RUNX3: variants seen among roughly 807,000 people sequenced by gnomAD.
RUNX3 encodes the protein runt-related transcription factor 3.
RUNX3 carries 10 observed loss-of-function variants against 27.7 expected under a neutral mutation model. The ratio of observed to expected loss-of-function variants is 0.36; its 90% CI spans 0.22 to 0.61. The LOEUF (loss-of-function observed/expected upper bound fraction) is 0.61, where lower values mean the gene tolerates loss of function less well. Among genes scored for constraint, RUNX3 ranks in the 20% least tolerant of loss-of-function variants. The pLI, the probability that RUNX3 is intolerant of heterozygous loss-of-function variation, is 0.72. For missense variants in RUNX3, 469 were observed against 629.5 expected (o/e 0.75, Z 2.73); for synonymous variants, 270 against 269.2 (o/e 1.00, Z -0.03).
At position 24,927,689 on chromosome 1, in the gene RUNX3, A is replaced by G. The variant is rs1641125592; in HGVS notation, c.324T>C (p.Thr108=). Residue 108 remains threonine (T), a synonymous_variant, in exon 2 of 5, where the codon ACT becomes ACC. Coordinates refer to ENST00000308873, the MANE Select transcript of RUNX3 (RefSeq NM_004350.3). The surrounding 1 kb of genome is among the most constrained non-coding windows in gnomAD (Gnocchi z 5.0). ...AGTTCTCGTCATTGCCTGCCATCAC[A>G]GTCACCACCGTACCATCCGGCACGT... is the stretch of plus-strand genomic sequence containing the variant. ...LGDVPDGTVV[T]VMAGNDENYS... The G allele has an allele frequency of 1.2e-6, 2 of 1,614,030 alleles. No homozygotes were observed. Among genetic ancestry groups the G allele is most frequent in the Non-Finnish European group, 1.7e-6 (2 of 1,180,014 alleles).
At chr1:24,951,098 C>T (rs967486499) in intron 2 of RUNX3, among the ~76,000 whole-genome samples, 8 of 148,276 alleles carry the variant, frequency 5.4e-5, no homozygotes, top group Non-Finnish European at 7.4e-5. Flanking sequence ...CCCAGCTACT[C>T]GGAAGGCTGA....
chr1:24,911,602 A>C (rs951258707), intron 3 of RUNX3, among the ~76,000 whole-genome samples: 2 of 152,248 alleles, frequency 1.3e-5, no homozygotes, highest in African/African-American at 4.8e-5. Flanking sequence ...GCCCAAAGGA[A>C]GCAGAACTAT....
At chr1:24,935,987 C>T (rs902735065) in intron 2 of RUNX3, among the ~76,000 whole-genome samples, 2 of 152,198 alleles carry the variant, frequency 1.3e-5, no homozygotes, top group Non-Finnish European at 2.9e-5. Context: ...GCACTCTGAC[C>T]GCTGCTCTCA....
At chr1:24,905,303 T>C (rs183174077) in intron 4 of RUNX3, among the ~76,000 whole-genome samples, 1 of 152,300 alleles carries the variant, frequency 6.6e-6, no homozygotes, top group African/African-American at 2.4e-5. Context: ...TGAGTTTAAG[T>C]GACTTGTCTA....
intron 2 of RUNX3, among the ~76,000 whole-genome samples, chr1:24,939,805 G>A (rs1219775081): frequency 6.6e-6 from 1 of 152,244 alleles, no homozygotes; most frequent in Non-Finnish European, 1.5e-5. Flanking sequence ...AGTGGGAGGG[G>A]AGAAGTGGGA....
At chr1:24,907,732 A>G (rs1640696852) in intron 3 of RUNX3, among the ~76,000 whole-genome samples, 1 of 151,356 alleles carries the variant, frequency 6.6e-6, no homozygotes, top group Admixed American at 6.6e-5. Context: ...CTAAACCTCT[A>G]CAACACACTG....
rs375570868 is a variant in RUNX3, at chr1:24,906,586, G to A, written c.703+673C>T. On this transcript the variant is annotated intron_variant, in intron 4 of 4. Transcript: ENST00000308873. ...CGCCAGGCACCTCGATACTCCAGAA[G>A]ACCTGCCTGAGGCCTGGCTGCAACT... Among the ~76,000 whole-genome samples, 26 of 152,138 alleles carry A rather than the reference G, an allele frequency of 1.7e-4. No individual in the cohort carries two copies. In the East Asian group the frequency reaches 2.5e-3, roughly 15 times the overall value.
intron 2 of RUNX3, among the ~76,000 whole-genome samples, chr1:24,957,617 A>G (rs1297850981): frequency 6.6e-6 from 1 of 152,214 alleles, no homozygotes; most frequent in African/African-American, 2.4e-5. Flanking sequence ...CACCTTCCAC[A>G]TCCTGCTTAG....
intron 1 of RUNX3, chr1:24,929,199 T>C (rs1275497151): frequency 2.0e-6 from 1 of 495,124 alleles, no homozygotes; most frequent in African/African-American, 1.9e-5. Flanking sequence ...GGGTAGGCCC[T>C]TTCACCGTTC....
chr1:24,949,197 G>A (rs1641693758), intron 2 of RUNX3, among the ~76,000 whole-genome samples: 1 of 152,006 alleles, frequency 6.6e-6, no homozygotes, highest in Non-Finnish European at 1.5e-5. Flanking sequence ...TTCTCTAACA[G>A]CCTGAGAGGG....
chr1:24,952,070 T>G (rs756712870), intron 2 of RUNX3, among the ~76,000 whole-genome samples: 10 of 152,236 alleles, frequency 6.6e-5, no homozygotes, highest in Non-Finnish European at 1.2e-4. Flanking sequence ...AATGGAACTA[T>G]TTAAAAGTTG....
chr1:24,936,997 G>A (rs935366053), intron 2 of RUNX3, among the ~76,000 whole-genome samples: 7 of 152,206 alleles, frequency 4.6e-5, no homozygotes, highest in Admixed American at 1.3e-4. Flanking sequence ...TGTGCTGTAC[G>A]CATGGCATGA....
At chr1:24,959,954 C>T (rs1039881468) in intron 2 of RUNX3, among the ~76,000 whole-genome samples, 11 of 152,354 alleles carry the variant, frequency 7.2e-5, no homozygotes, top group South Asian at 6.2e-4. Context: ...TTGCCCAGGA[C>T]GTTCCTTCTG....
At chr1:24,963,800 G>A (rs566639878) in intron 2 of RUNX3, among the ~76,000 whole-genome samples, 73 of 152,202 alleles carry the variant, frequency 4.8e-4, no homozygotes, top group African/African-American at 1.6e-3. Context: ...GCTCCAGGTC[G>A]GGGATCCCAG....
chr1:24,935,889 C>T lies in RUNX3; in HGVS notation c.59-6037G>A, dbSNP rs373475868. ...CAAGCTCCGAAAGTAAAGAGCTTTT[C>T]CTCTGTGGGCCTCAGAATCTGAGAA... On this transcript the variant is annotated intron_variant, in intron 2 of 6. Transcript: ENST00000338888. 4.1e-4 allele frequency among the ~76,000 whole-genome samples: 62 copies of T among 152,132 alleles called. No individual in the cohort carries two copies. In the East Asian group the frequency reaches 8.7e-3, roughly 21 times the overall value.
At chr1:24,926,920 A>T (rs1215198525) in intron 2 of RUNX3, among the ~76,000 whole-genome samples, 1 of 151,964 alleles carries the variant, frequency 6.6e-6, no homozygotes, top group African/African-American at 2.4e-5. Context: ...CTCCCATTCA[A>T]CAGCCCCCCA....
intron 1 of RUNX3, chr1:24,964,733 T>C (rs1365319668): frequency 2.0e-5 from 29 of 1,462,086 alleles, no homozygotes; most frequent in Admixed American, 7.5e-5. Flanking sequence ...TGTCTCTTTT[T>C]TCCCCCCTGC....
chr1:24,925,495 TCATGAGGTAGGTAC>T (rs1557844678), intron 2 of RUNX3, among the ~76,000 whole-genome samples: 1 of 152,128 alleles, frequency 6.6e-6, no homozygotes, highest in African/African-American at 2.4e-5. Context: ...TCCCAAAATC[TCATGAGGTAGGTAC>T]CATTATCATC....
Position 24,902,201 on chromosome 1 carries a change from G to T in RUNX3, c.1169C>A (p.Ala390Asp). Residue 390 changes from alanine (A) to aspartate (D), a missense_variant, in exon 5 of 5, where the codon GCC becomes GAC. Physicochemically the swap from Ala to Asp is moderately radical, Grantham distance 126. Transcript: ENST00000308873. This position sits in a 1 kb window ranked among gnomAD's most constrained non-coding sequence, Gnocchi z 9.2. ...GGGTGAGTTGCTGTGGCTGCCGTCG[G>T]CCTCCACGCCATCACTCTGGCCGCC... ...SLGGQSDGVE[A>D]DGSHSNSPTA... The T allele has an allele frequency of 6.4e-7, 1 of 1,569,694 alleles. No homozygotes were observed. Among genetic ancestry groups the T allele is most frequent in the Non-Finnish European group, 8.6e-7 (1 of 1,159,410 alleles).
Sources: allele counts gnomAD v4.1 joint callset (sites outside exome capture counted in the v4.1 genomes callset), GRCh38; gene constraint gnomAD v4.1.1; non-coding constraint Gnocchi (gnomAD v3.1); transcripts MANE v1.5; gene names NCBI Gene and HGNC (gene_info 2026-07-23, HGNC 2026-07-21).